Variants in YIPF7 observed in about 807,000 individuals in gnomAD.
The protein encoded by YIPF7 is protein YIPF7.
In YIPF7, 35 loss-of-function variants were observed where a neutral mutation model predicts 27.2. That is an observed-to-expected ratio of 1.29 (90% CI 0.98 to 1.70). The LOEUF (loss-of-function observed/expected upper bound fraction) is 1.70, where lower values mean the gene tolerates loss of function less well. YIPF7 is among the 40% of genes most tolerant of loss of function. The pLI is 0.00. For synonymous variants in YIPF7, 137 were observed against 110.4 expected (o/e 1.24, Z -1.51); for missense variants, 358 against 303.7 (o/e 1.18, Z -1.33).
At chr4:44,648,378 A>T (rs1055317108) in intron 2 of YIPF7, among the ~76,000 whole-genome samples, 1 of 152,140 alleles carries the variant, frequency 6.6e-6, no homozygotes, top group Admixed American at 6.6e-5. Flanking sequence ...GGATTTGGGG[A>T]CATTTCAGAT....
intron 2 of YIPF7, among the ~76,000 whole-genome samples, chr4:44,641,347 G>C (rs1041357348): frequency 6.6e-6 from 1 of 151,906 alleles, no homozygotes; most frequent in Admixed American, 6.6e-5. Flanking sequence ...CAGCCATCTT[G>C]AATAAAAAAA....
chr4:44,639,112 G>A (rs1231324049), intron 2 of YIPF7, among the ~76,000 whole-genome samples: 1 of 152,076 alleles, frequency 6.6e-6, no homozygotes, highest in Non-Finnish European at 1.5e-5. Flanking sequence ...ATAATTTCAG[G>A]TCAGGTAATG....
At chr4:44,646,860 T>C (rs2109597616) in intron 2 of YIPF7, among the ~76,000 whole-genome samples, 1 of 152,244 alleles carries the variant, frequency 6.6e-6, no homozygotes, top group South Asian at 2.1e-4. Flanking sequence ...GCTGAATGAC[T>C]GATTATAACT....
Position 44,649,995 on chromosome 4 carries a change from C to T in YIPF7, c.106G>A (p.Gly36Arg), listed in dbSNP as rs1713669520. ...NDSNAYGNLY[G>R]SRKQQAGEQP... ...ATATTAAGTACTTACTTTCTAGATC[C>T]ATAAAGATTTCCATAGGCATTAGAG... is the stretch of plus-strand genomic sequence containing the variant. The change falls in exon 2 of 6, where the codon GGA becomes AGA. Residue 36 changes from glycine to arginine, a missense_variant. Transcript: ENST00000415895. 1 of 1,526,436 alleles carries T rather than the reference C, an allele frequency of 6.6e-7. No homozygotes were observed. Among genetic ancestry groups the T allele is most frequent in the Admixed American group, 1.9e-5 (1 of 51,332 alleles). 94.6% of individuals were successfully genotyped at this position (1,526,436 alleles called of 1,614,324 possible).
upstream of YIPF7, among the ~76,000 whole-genome samples, chr4:44,653,050 T>C (rs1713783305): frequency 6.6e-6 from 1 of 152,122 alleles, no homozygotes; most frequent in African/African-American, 2.4e-5. Context: ...GAGGGTCATT[T>C]GGATAGAGAT....
At chr4:44,656,145 C>A (rs1470023679), upstream of YIPF7, among the ~76,000 whole-genome samples, 3 of 151,752 alleles carry the variant, frequency 2.0e-5, no homozygotes, top group African/African-American at 7.3e-5. Context: ...TAATTTACAC[C>A]TGAGATTATG....
At chr4:44,651,639 C>T (rs1391220917), upstream of YIPF7, 1 of 1,566,560 alleles carries the variant, frequency 6.4e-7, no homozygotes, top group Non-Finnish European at 8.7e-7. Context: ...GAAAAGATGA[C>T]ATGCTGGCTA....
At chr4:44,659,839 C>T (rs1053683668) in intron 2 of YIPF7, among the ~76,000 whole-genome samples, 4 of 151,908 alleles carry the variant, frequency 2.6e-5, no homozygotes, top group Admixed American at 6.6e-5. Context: ...CTTGGCCAGG[C>T]GCGGTGGCTC....
chr4:44,630,355 A>G (rs1712843600), intron 3 of YIPF7, among the ~76,000 whole-genome samples: 1 of 152,196 alleles, frequency 6.6e-6, no homozygotes, highest in Admixed American at 6.5e-5. Flanking sequence ...ACTATAATGA[A>G]CTAATGAGAC....
chr4:44,640,750 T>G (rs1011287416), intron 2 of YIPF7, among the ~76,000 whole-genome samples: 18 of 152,194 alleles, frequency 1.2e-4, no homozygotes, highest in Admixed American at 7.9e-4. Flanking sequence ...GAGCAGTACC[T>G]GCTTCCTGCA....
At chr4:44,655,704 G>A (rs946272411), upstream of YIPF7, among the ~76,000 whole-genome samples, 2 of 151,940 alleles carry the variant, frequency 1.3e-5, no homozygotes, top group African/African-American at 4.8e-5. Context: ...AGAACGCATT[G>A]TTTTCCGTTA....
At chr4:44,648,395 T>A (rs1488579759) in intron 2 of YIPF7, among the ~76,000 whole-genome samples, 4 of 152,116 alleles carry the variant, frequency 2.6e-5, no homozygotes, top group Non-Finnish European at 5.9e-5. Flanking sequence ...AGATTCTGAT[T>A]TGGGATTTGG....
At chr4:44,635,683 G>A (rs1713089956) in intron 3 of YIPF7, among the ~76,000 whole-genome samples, 1 of 152,094 alleles carries the variant, frequency 6.6e-6, no homozygotes, top group Non-Finnish European at 1.5e-5. Flanking sequence ...AAGAGTGAAG[G>A]AGCATTTAAT....
At chr4:44,646,172 A>T (rs1287019637) in intron 2 of YIPF7, among the ~76,000 whole-genome samples, 1 of 152,196 alleles carries the variant, frequency 6.6e-6, no homozygotes, top group Non-Finnish European at 1.5e-5. Flanking sequence ...AACATAACTG[A>T]TTCAAAACCT....
intron 4 of YIPF7, among the ~76,000 whole-genome samples, chr4:44,624,996 G>A (rs1284689215): frequency 6.6e-6 from 1 of 151,990 alleles, no homozygotes; most frequent in Non-Finnish European, 1.5e-5. Flanking sequence ...AGTTAGGATG[G>A]GATAAGCGTG....
chr4:44,647,386 G>A (rs1577742459), intron 2 of YIPF7, among the ~76,000 whole-genome samples: 1 of 152,092 alleles, frequency 6.6e-6, no homozygotes, highest in East Asian at 1.9e-4. Flanking sequence ...AAATATCAAT[G>A]CTACCCAAAT....
At chr4:44,645,045 A>G (rs1456084251) in intron 2 of YIPF7, among the ~76,000 whole-genome samples, 1 of 152,202 alleles carries the variant, frequency 6.6e-6, no homozygotes, top group Non-Finnish European at 1.5e-5. Flanking sequence ...CCTCAGAAGC[A>G]GCTGCTGCCA....
intron 2 of YIPF7, among the ~76,000 whole-genome samples, chr4:44,640,840 C>T (rs952044004): frequency 2.0e-5 from 3 of 152,052 alleles, no homozygotes; most frequent in African/African-American, 7.2e-5. Context: ...CCCGGTTCTG[C>T]AAACACCAGC....
At chr4:44,654,445 T>C (rs982922049), upstream of YIPF7, among the ~76,000 whole-genome samples, 1 of 151,796 alleles carries the variant, frequency 6.6e-6, no homozygotes, top group Non-Finnish European at 1.5e-5. Flanking sequence ...TTCTTTTCTC[T>C]CCCCCCTCTC....
Sources: allele counts gnomAD v4.1 joint callset (sites outside exome capture counted in the v4.1 genomes callset), GRCh38; gene constraint gnomAD v4.1.1; transcripts MANE v1.5; gene names NCBI Gene and HGNC (gene_info 2026-07-23, HGNC 2026-07-21).